The following SDK1 variants were observed in gnomAD, a reference collection of about 807,000 sequenced individuals.
SDK1 encodes the protein protein sidekick-1.
SDK1 carries 157 observed loss-of-function variants against 245.5 expected under a neutral mutation model. The observed-to-expected ratio is 0.64, with a 90% CI of 0.56 to 0.73. The LOEUF (loss-of-function observed/expected upper bound fraction) is 0.73. Ranked by LOEUF, SDK1 falls within the 30% of genes least tolerant of loss-of-function variation. SDK1 has a pLI of 0.00. For missense variants in SDK1, 3,583 were observed against 3,002.3 expected (o/e 1.19, Z -4.52); for synonymous variants, 1,647 against 1,278.5 (o/e 1.29, Z -6.15).
intron 1 of SDK1, among the ~76,000 whole-genome samples, chr7:3,563,232 G>C (rs1293453303): frequency 6.6e-6 from 1 of 151,990 alleles, no homozygotes; most frequent in Non-Finnish European, 1.5e-5. Context: ...ATAAAATACA[G>C]TAAATGGAAA....
At chr7:3,405,224 A>G (rs1779018642) in intron 1 of SDK1, among the ~76,000 whole-genome samples, 1 of 152,204 alleles carries the variant, frequency 6.6e-6, no homozygotes, top group African/African-American at 2.4e-5. Context: ...TTTCACAAGA[A>G]CTAAGTGTGG....
intron 4 of SDK1, among the ~76,000 whole-genome samples, chr7:3,781,042 A>T (rs995649636): frequency 2.0e-5 from 3 of 152,040 alleles, no homozygotes; most frequent in Admixed American, 6.5e-5. Context: ...CAGGAGGTCA[A>T]ACAGTCACTC....
chr7:3,973,619 T>A (rs1048560730), intron 12 of SDK1, among the ~76,000 whole-genome samples: 4 of 152,140 alleles, frequency 2.6e-5, no homozygotes, highest in Admixed American at 6.5e-5. Context: ...AGATTTTTTT[T>A]AAACAGTCGT....
chr7:4,257,609 T>G (rs1479974441), intron 44 of SDK1, among the ~76,000 whole-genome samples: 1 of 152,222 alleles, frequency 6.6e-6, no homozygotes, highest in African/African-American at 2.4e-5. Context: ...TGACATTTAT[T>G]GGTCATGTGG....
chr7:3,384,709 C>T (rs1412816409), intron 1 of SDK1, among the ~76,000 whole-genome samples: 2 of 152,194 alleles, frequency 1.3e-5, no homozygotes, highest in African/African-American at 4.8e-5. Flanking sequence ...ATGCAGCAGG[C>T]ATGTTTATCT....
intron 1 of SDK1, among the ~76,000 whole-genome samples, chr7:3,485,511 G>C (rs574598698): frequency 6.6e-6 from 1 of 151,996 alleles, no homozygotes; most frequent in Admixed American, 6.6e-5. Flanking sequence ...TGAGGTACCA[G>C]GGTGTAGGTA....
intron 4 of SDK1, among the ~76,000 whole-genome samples, chr7:3,663,777 T>C (rs1228282983): frequency 6.6e-6 from 1 of 152,186 alleles, no homozygotes. Context: ...TCAAAGTCTG[T>C]ACATCTAAAA....
rs1236240400 is a variant in SDK1 at position 4,268,975 on chromosome 7, A to C, written c.*3591A>C. ...AGAGGTGCTATGGGTACAATTTTTA[A>C]TAAAAACATTATTTTGTTCCTTAAA... On this transcript the variant is annotated 3_prime_UTR_variant, in exon 45 of 45. Transcript: ENST00000404826. 3.6e-6 allele frequency: 1 copy of C among 280,748 alleles called. No individual in the cohort carries two copies. Among genetic ancestry groups the C allele is most frequent in the Non-Finnish European group, 7.2e-6 (1 of 138,586 alleles). 17.4% of individuals were successfully genotyped at this position (280,748 alleles called of 1,614,324 possible).
intron 4 of SDK1, among the ~76,000 whole-genome samples, chr7:3,745,871 A>C (rs922593745): frequency 1.7e-4 from 26 of 152,328 alleles, no homozygotes; most frequent in Admixed American, 1.3e-3. Flanking sequence ...GAAACTATTA[A>C]TTTGAGATTT....
chr7:3,717,625 G>T (rs923480050), intron 4 of SDK1, among the ~76,000 whole-genome samples: 7 of 152,088 alleles, frequency 4.6e-5, no homozygotes, highest in African/African-American at 1.7e-4. Context: ...AAGAATGATA[G>T]GAAAATACTA....
intron 1 of SDK1, among the ~76,000 whole-genome samples, chr7:3,532,130 A>G (rs9771445): frequency 0.24 from 37,231 of 152,034 alleles, 4,797 homozygotes; most frequent in East Asian, 0.34. Context: ...CAATCAGAGG[A>G]TACTCAATAA....
intron 4 of SDK1, among the ~76,000 whole-genome samples, chr7:3,695,420 G>C (rs1449905197): frequency 6.6e-6 from 1 of 152,120 alleles, no homozygotes; most frequent in East Asian, 1.9e-4. Context: ...GCACCCATAA[G>C]CATTTTCTCA....
chr7:3,950,928 G>A lies in SDK1; in HGVS notation c.853G>A (p.Val285Ile). Residue 285 changes from valine (V) to isoleucine (I), a missense_variant, in exon 6 of 45, where the codon GTT becomes ATT. Coordinates refer to ENST00000404826, the MANE Select transcript of SDK1 (RefSeq NM_152744.4). Reference sequence around the variant, plus strand: ...TTCTCTTTTCTCTGCCACAGGAGATGTTGGCACACCTGAAACCATGGCCCC... The same window carrying A: ...TTCTCTTTTCTCTGCCACAGGAGATATTGGCACACCTGAAACCATGGCCCC... ...PFIHLSIARD[V>I]GTPETMAPTI... 8 of 1,613,128 alleles carry A rather than the reference G, an allele frequency of 5.0e-6. No homozygotes were observed. The highest frequency in any genetic ancestry group is 5.9e-6 in the Non-Finnish European group (7 of 1,179,190).
chr7:3,418,573 A>G (rs1165868842), intron 1 of SDK1, among the ~76,000 whole-genome samples: 1 of 152,222 alleles, frequency 6.6e-6, no homozygotes, highest in African/African-American at 2.4e-5. Flanking sequence ...GACTTGAAAC[A>G]TAGCCTTAAA....
rs548367180 is a variant in SDK1 at position 4,151,561 on chromosome 7, T to A, written c.4625+2098T>A. On this transcript the variant is annotated intron_variant, in intron 30 of 44. Transcript: ENST00000404826. ...CCGGCTTGATGTCCCCTCTGAGGTG[T>A]TTTCCCTGGTGATCTAGTCACTCAG... 5.5e-4 allele frequency among the ~76,000 whole-genome samples: 83 copies of A among 152,198 alleles called. 1 individual carries two copies. Among genetic ancestry groups the A allele is most frequent in the African/African-American group, 1.9e-3 (80 of 41,518 alleles).
At chr7:3,948,795 T>G (rs1048577884) in intron 5 of SDK1, among the ~76,000 whole-genome samples, 1 of 152,130 alleles carries the variant, frequency 6.6e-6, no homozygotes, top group Non-Finnish European at 1.5e-5. Context: ...CAAGGACCAT[T>G]CTCCTCAGGC....
chr7:3,537,992 G>A (rs1204360625), intron 1 of SDK1, among the ~76,000 whole-genome samples: 1 of 152,214 alleles, frequency 6.6e-6, no homozygotes, highest in African/African-American at 2.4e-5. Context: ...TTGCATGTGG[G>A]GAAAGGGATC....
intron 1 of SDK1, among the ~76,000 whole-genome samples, chr7:3,609,237 A>AT (rs1781515149): frequency 6.6e-6 from 1 of 152,106 alleles, no homozygotes; most frequent in South Asian, 2.1e-4. Flanking sequence ...GGTGTCCTTA[A>AT]TTTTTTTGTA....
At chr7:3,481,279 C>G (rs1404745508) in intron 1 of SDK1, among the ~76,000 whole-genome samples, 1 of 152,170 alleles carries the variant, frequency 6.6e-6, no homozygotes, top group African/African-American at 2.4e-5. Context: ...TGTTCAAGAT[C>G]ACACAATTAG....
Sources: allele counts gnomAD v4.1 joint callset (sites outside exome capture counted in the v4.1 genomes callset), GRCh38; gene constraint gnomAD v4.1.1; transcripts MANE v1.5; gene names NCBI Gene and HGNC (gene_info 2026-07-23, HGNC 2026-07-21).